Variants in KMO observed in about 807,000 individuals in gnomAD.
The protein encoded by KMO is kynurenine 3-monooxygenase.
KMO carries 24 observed loss-of-function variants against 57.8 expected under a neutral mutation model. That is an observed-to-expected ratio of 0.42 (90% CI 0.30 to 0.58). KMO has a LOEUF of 0.58. Among genes scored for constraint, KMO ranks in the 20% least tolerant of loss-of-function variants. The probability of loss-of-function intolerance (pLI) is 0.22; values close to 1 mark genes in which losing one functional copy is unlikely to be tolerated. For missense variants in KMO, 483 were observed against 588.2 expected, an observed-to-expected ratio of 0.82 and a Z score of 1.85; for synonymous variants, 210 against 193.6, an observed-to-expected ratio of 1.08 and a Z score of -0.70.
At chr1:241,548,601 T>G (rs1238520787) in intron 1 of KMO, among the ~76,000 whole-genome samples, 1 of 149,124 alleles carries the variant, frequency 6.7e-6, no homozygotes, top group African/African-American at 2.5e-5. Flanking sequence ...AAAAAAAAAC[T>G]ACTTCTAAAA....
intron 14 of KMO, among the ~76,000 whole-genome samples, chr1:241,591,219 G>A (rs1006880755): frequency 1.3e-5 from 2 of 152,150 alleles, no homozygotes; most frequent in African/African-American, 4.8e-5. Context: ...TGCGGGGATA[G>A]AAATAGGCCA....
At chr1:241,553,406 G>A (rs1387599521) in intron 4 of KMO, among the ~76,000 whole-genome samples, 3 of 152,196 alleles carry the variant, frequency 2.0e-5, no homozygotes, top group Non-Finnish European at 4.4e-5. Context: ...CATAATTTGG[G>A]CCAAGCACAG....
chr1:241,546,981 G>A (rs1661173039), intron 1 of KMO, among the ~76,000 whole-genome samples: 1 of 152,186 alleles, frequency 6.6e-6, no homozygotes, highest in African/African-American at 2.4e-5. Flanking sequence ...GAAAATGAGA[G>A]AAGGTTAATG....
intron 11 of KMO, among the ~76,000 whole-genome samples, chr1:241,587,208 G>A (rs1389081511): frequency 6.6e-6 from 1 of 152,188 alleles, no homozygotes; most frequent in Admixed American, 6.5e-5. Flanking sequence ...TTCTCATAAG[G>A]AGCGTGCAAG....
chr1:241,576,207 A>C (rs1260578815), intron 10 of KMO, among the ~76,000 whole-genome samples: 1 of 151,964 alleles, frequency 6.6e-6, no homozygotes, highest in East Asian at 1.9e-4. Context: ...TGATGTTTTT[A>C]TCCATTCTGA....
chr1:241,549,623 C>A, intron 2 of KMO, 54 bp from the exon 3 acceptor site: 2 of 1,175,352 alleles, frequency 1.7e-6, no homozygotes, highest in Non-Finnish European at 2.5e-6. Context: ...TTTTGCTCAT[C>A]CTGAGCTAGG....
At chr1:241,588,683 G>C in intron 11 of KMO, 65 bp from the exon 12 acceptor site, 1 of 1,137,586 alleles carries the variant, frequency 8.8e-7, no homozygotes, top group South Asian at 1.3e-5. Flanking sequence ...CATTTAATTT[G>C]ACCTGTGTAG....
At chr1:241,549,266 A>AAGGAAAGAAAGAAAGG (rs1661296224) in intron 2 of KMO, among the ~76,000 whole-genome samples, 1 of 117,554 alleles carries the variant, frequency 8.5e-6, no homozygotes, top group African/African-American at 3.3e-5. Flanking sequence ...AGAAAGAAAG[A>AAGGAAAGAAAGAAAGG]AAGGAAGGAA....
In KMO at chr1:241,585,143, C is replaced by T. The variant is rs144134305; in HGVS notation, c.958-1536C>T. Among the ~76,000 whole-genome samples, 160 of 152,136 alleles carry T rather than the reference C, an allele frequency of 1.1e-3. 1 individual carries two copies. The East Asian group carries it at 0.026, about 25-fold the overall frequency. ...ACTTGGGAGGCTAAGGCAGGAGAAT[C>T]GCTTGAACCTGGCAGGTGGAGGTTG... On this transcript the variant is annotated intron_variant, in intron 10 of 14. Coordinates refer to ENST00000366559, the MANE Select transcript of KMO (RefSeq NM_003679.5).
chr1:241,591,151 G>A (rs1663281482), intron 14 of KMO, among the ~76,000 whole-genome samples: 1 of 152,112 alleles, frequency 6.6e-6, no homozygotes, highest in African/African-American at 2.4e-5. Flanking sequence ...CCCTTAAGGA[G>A]CTGAAAGTCT....
intron 12 of KMO, among the ~76,000 whole-genome samples, chr1:241,589,112 A>G (rs1187813775): frequency 2.0e-5 from 3 of 152,252 alleles, no homozygotes; most frequent in African/African-American, 7.2e-5. Flanking sequence ...GACATTTAGC[A>G]ATATGTTACT....
chr1:241,579,997 T>G (rs1436263764), intron 10 of KMO, among the ~76,000 whole-genome samples: 1 of 152,120 alleles, frequency 6.6e-6, no homozygotes, highest in African/African-American at 2.4e-5. Context: ...TTCCCACTGC[T>G]CACTAAATCA....
At chr1:241,587,884 G>C (rs1311708997) in intron 11 of KMO, among the ~76,000 whole-genome samples, 1 of 151,912 alleles carries the variant, frequency 6.6e-6, no homozygotes, top group East Asian at 1.9e-4. Flanking sequence ...TGGAGGGTTT[G>C]TATATTACAT....
At chr1:241,589,842 A>C (rs1458637957) in intron 12 of KMO, among the ~76,000 whole-genome samples, 170 bp from the exon 13 acceptor site, 1 of 152,224 alleles carries the variant, frequency 6.6e-6, no homozygotes, top group Non-Finnish European at 1.5e-5. Flanking sequence ...AACGTCCTAT[A>C]TGACCGACAT....
chr1:241,585,392 AT>A (rs2147982316), intron 10 of KMO, among the ~76,000 whole-genome samples: 1 of 152,270 alleles, frequency 6.6e-6, no homozygotes, highest in Non-Finnish European at 1.5e-5. Flanking sequence ...AGACTATATA[AT>A]TGATTTGACA....
At chr1:241,544,928 C>A (rs571861626) in intron 1 of KMO, among the ~76,000 whole-genome samples, 14 of 152,086 alleles carry the variant, frequency 9.2e-5, no homozygotes, top group Non-Finnish European at 1.6e-4. Context: ...AAGAAGTGGG[C>A]CTCCATACTC....
intron 1 of KMO, among the ~76,000 whole-genome samples, chr1:241,534,902 C>A (rs536226285): frequency 2.6e-5 from 4 of 152,134 alleles, no homozygotes; most frequent in Admixed American, 6.6e-5. Context: ...GCCTTTCTGG[C>A]TTCACCCCTT....
Position 241,592,115 on chromosome 1 carries a change from G to A in KMO, c.1423G>A (p.Asp475Asn). 6.2e-7 allele frequency: 1 copy of A among 1,613,834 alleles called. No homozygotes were observed. Among genetic ancestry groups the A allele is most frequent in the Non-Finnish European group, 8.5e-7 (1 of 1,179,914 alleles). The stretch of plus-strand genomic sequence containing the variant: ...AACATGTTTCCCCGCAAAGGCCGTG[G>A]ACTCCCTAGAACAAATTTCCAATCT... ...NTTCFPAKAV[D>N]SLEQISNLIS... The change falls in exon 15 of 15, where the codon GAC becomes AAC. Residue 475 changes from aspartate (D) to asparagine (N), a missense_variant. Around this residue, in one of 3 missense-constraint regions of KMO, gnomAD observed 410 missense variants for 492.3 expected, o/e 0.83. Transcript: ENST00000366559.
At chr1:241,559,917 C>G (rs933662292) in intron 5 of KMO, among the ~76,000 whole-genome samples, 2 of 152,102 alleles carry the variant, frequency 1.3e-5, no homozygotes, top group African/African-American at 4.8e-5. Context: ...TCTCTGAAGT[C>G]TATTCCAGCT....
Sources: gnomAD v4.1 joint callset for allele counts (sites outside exome capture counted in the v4.1 genomes callset) on GRCh38, gnomAD v4.1.1 for gene constraint, gnomAD v4.1.1 regional missense constraint, MANE v1.5 for transcripts, NCBI Gene and HGNC (gene_info 2026-07-23, HGNC 2026-07-21) for gene names.